Variants in CENPF observed in about 807,000 individuals in gnomAD.
CENPF encodes centromere protein F.
A neutral mutation model predicts 307.3 loss-of-function variants in CENPF; 214 were observed. That is an observed-to-expected ratio of 0.70 (90% CI 0.62 to 0.78). The LOEUF is 0.78. CENPF is among the 30% of genes least tolerant of loss of function. CENPF has a pLI of 0.00. For missense variants in CENPF, 3,401 were observed against 3,483.9 expected (o/e 0.98, Z 0.60); for synonymous variants, 1,259 against 1,270.6 (o/e 0.99, Z 0.19).
intron 5 of CENPF, among the ~76,000 whole-genome samples, chr1:214,619,689 A>G (rs966595976): frequency 1.3e-5 from 2 of 152,214 alleles, no homozygotes; most frequent in African/African-American, 4.8e-5. Context: ...TCCACTAAAC[A>G]TAAGGACTTG....
intron 16 of CENPF, chr1:214,653,648 A>T (rs1000328879): frequency 6.5e-5 from 10 of 153,910 alleles, no homozygotes; most frequent in African/African-American, 2.4e-4. Flanking sequence ...CTTCCAGAAA[A>T]TATTTTACTT....
rs141439443 is a variant in CENPF at position 214,659,003 on chromosome 1, C to G, written c.9116C>G (p.Thr3039Arg). Residue 3039 changes from threonine to arginine, a missense_variant, in exon 19 of 20, where the codon ACA becomes AGA. By Grantham distance (71) the Thr-to-Arg change is moderately conservative. Coordinates refer to ENST00000366955, the MANE Select transcript of CENPF (RefSeq NM_016343.4). This position sits in a 1 kb window ranked among gnomAD's most constrained non-coding sequence, Gnocchi z 4.4. Reference sequence around the variant, plus strand: ...AATCTTGCAGAGTCCTCCAAACCAACAGCTGGTGGCAGCAGATCACAAAAG... The same window carrying G: ...AATCTTGCAGAGTCCTCCAAACCAAGAGCTGGTGGCAGCAGATCACAAAAG... ...KENLAESSKP[T>R]AGGSRSQKVK... 3.7e-5 allele frequency: 60 copies of G among 1,614,074 alleles called. No individual in the cohort carries two copies. The African/African-American group carries it at 7.5e-4, about 20-fold the overall frequency.
Position 214,645,527 on chromosome 1 carries a change from A to G in CENPF, c.5957A>G (p.Glu1986Gly). The G allele has an allele frequency of 6.2e-7, 1 of 1,614,142 alleles. No individual in the cohort carries two copies. Among genetic ancestry groups the G allele is most frequent in the Non-Finnish European group, 8.5e-7 (1 of 1,180,014 alleles). ...ALDQLSEKMK[E>G]KTQELESHQS... is the part of the protein sequence containing the mutation. ...GATCAGTTGTCTGAAAAAATGAAGGAGAAAACACAAGAGCTTGAGTCTCAT... is the reference window on the plus strand; with the variant it reads ...GATCAGTTGTCTGAAAAAATGAAGGGGAAAACACAAGAGCTTGAGTCTCAT... Residue 1986 changes from glutamate (E) to glycine (G), a missense_variant, in exon 13 of 20, where the codon GAG (glutamate) becomes GGG (glycine). By Grantham distance (98) the Glu-to-Gly change is moderately conservative. Transcript: ENST00000366955.
intron 7 of CENPF, among the ~76,000 whole-genome samples, chr1:214,625,590 C>T (rs951585829): frequency 6.6e-6 from 1 of 152,086 alleles, no homozygotes; most frequent in Admixed American, 6.6e-5. Context: ...TATATTGTGA[C>T]CTAAGTCTGC....
At chr1:214,648,363 A>G in intron 13 of CENPF, 2 of 459,112 alleles carry the variant, frequency 4.4e-6, no homozygotes, top group East Asian at 9.6e-5. Context: ...TGATAATGAT[A>G]ATCTTTGATG....
At chr1:214,639,472 T>C (rs1658047816) in intron 11 of CENPF, among the ~76,000 whole-genome samples, 1 of 152,234 alleles carries the variant, frequency 6.6e-6, no homozygotes, top group Non-Finnish European at 1.5e-5. Context: ...GGAGTACTTA[T>C]TTACTTTTCT....
Position 214,639,943 on chromosome 1 carries a change from C to A in CENPF, c.1605C>A (p.Thr535=), listed in dbSNP as rs746274057. Reference sequence around the variant, plus strand: ...TAGCGAAGAATACCTCTCAGGAAACCATGTTAAGAGATCTTCAAGAAAAAA... The same window carrying A: ...TAGCGAAGAATACCTCTCAGGAAACAATGTTAAGAGATCTTCAAGAAAAAA... ...EMKAKNTSQE[T]MLRDLQEKIN... is the part of the protein sequence containing the mutation. The change falls in exon 12 of 20, where the codon ACC becomes ACA. Residue 535 remains threonine (T), a synonymous_variant. Coordinates refer to ENST00000366955, the MANE Select transcript of CENPF (RefSeq NM_016343.4). The A allele has an allele frequency of 2.0e-5, 31 of 1,542,434 alleles. No individual in the cohort carries two copies. Among genetic ancestry groups the A allele is most frequent in the Non-Finnish European group, 2.7e-5 (31 of 1,154,022 alleles).
intron 15 of CENPF, among the ~76,000 whole-genome samples, chr1:214,652,122 G>C (rs949279518): frequency 1.5e-5 from 2 of 136,980 alleles, no homozygotes; most frequent in African/African-American, 5.7e-5. Flanking sequence ...TGCAAGCTCC[G>C]TCTCCCAGGT....
intron 16 of CENPF, 72 bp from the exon 17 acceptor site, chr1:214,655,169 C>A: frequency 3.2e-6 from 3 of 931,528 alleles, no homozygotes; most frequent in Non-Finnish European, 4.6e-6. Flanking sequence ...AATCTTATAT[C>A]TTATAATTAT....
Position 214,643,193 on chromosome 1 carries a change from G to A in CENPF, c.4855G>A (p.Glu1619Lys). 6.2e-7 allele frequency: 1 copy of A among 1,605,898 alleles called. No individual in the cohort carries two copies. Among genetic ancestry groups the A allele is most frequent in the African/African-American group, 1.3e-5 (1 of 74,232 alleles). ...ACAGAAGCTGACAAGCGTGACTCTG[G>A]AGATGGAGTCCAAGTTGGCGGCAGA... ...WQQKLTSVTL[E>K]MESKLAAEKK... Residue 1619 changes from glutamate (E) to lysine (K), a missense_variant, in exon 12 of 20, where the codon GAG becomes AAG. Physicochemically the swap from Glu to Lys is moderately conservative, Grantham distance 56. Coordinates refer to ENST00000366955, the MANE Select transcript of CENPF (RefSeq NM_016343.4).
Position 214,618,581 on chromosome 1 carries a change from C to T in CENPF, c.368C>T (p.Ser123Phe), listed in dbSNP as rs144933281. The change falls in exon 4 of 20, where the codon TCT (serine) becomes TTT (phenylalanine). Residue 123 changes from serine (S) to phenylalanine (F), a missense_variant. Physicochemically the swap from Ser to Phe is radical, Grantham distance 155. Transcript: ENST00000366955. ...KLEQELKRCK[S>F]ELERSQQAAQ... ...GGGTCCTTTTCTAACAGGTGTAAAT[C>T]TGAGCTTGAAAGAAGCCAACAAGCT... The T allele has an allele frequency of 3.0e-5, 48 of 1,613,856 alleles. No homozygotes were observed. The highest frequency in any genetic ancestry group is 3.7e-5 in the Non-Finnish European group (44 of 1,179,958).
chr1:214,638,135 G>A, intron 11 of CENPF, 134 bp downstream of exon 11: 1 of 915,030 alleles, frequency 1.1e-6, no homozygotes, highest in Non-Finnish European at 1.6e-6. Context: ...GTGCGCAGTT[G>A]ATGTGGAAGA....
chr1:214,640,872 T>G lies in CENPF; in HGVS notation c.2534T>G (p.Met845Arg). ...LEFSLESQKQ[M>R]NSDLQKQCEE... is the part of the protein sequence containing the mutation. Reference sequence around the variant, plus strand: ...TTTTCATTAGAGTCTCAAAAACAGATGAACTCAGACCTGCAAAAGCAGTGT... The same window carrying G: ...TTTTCATTAGAGTCTCAAAAACAGAGGAACTCAGACCTGCAAAAGCAGTGT... The change falls in exon 12 of 20, where the codon ATG becomes AGG. Residue 845 changes from methionine to arginine, a missense_variant. Coordinates refer to ENST00000366955, the MANE Select transcript of CENPF (RefSeq NM_016343.4). 6.3e-7 allele frequency: 1 copy of G among 1,599,520 alleles called. No individual in the cohort carries two copies. The highest frequency in any genetic ancestry group is 8.5e-7 in the Non-Finnish European group (1 of 1,176,122).
At chr1:214,620,051 A>T (rs1400667770) in intron 5 of CENPF, among the ~76,000 whole-genome samples, 1 of 152,122 alleles carries the variant, frequency 6.6e-6, no homozygotes, top group Non-Finnish European at 1.5e-5. Flanking sequence ...GGCAAAAAAA[A>T]GTGCTTGCTG....
chr1:214,629,251 A>G, intron 8 of CENPF, 80 bp downstream of exon 8: 1 of 1,342,146 alleles, frequency 7.5e-7, no homozygotes, highest in Non-Finnish European at 1.0e-6. Flanking sequence ...TGGAAAGGGG[A>G]GTTGTTATCA....
chr1:214,612,255 T>A (rs568977068), intron 1 of CENPF, among the ~76,000 whole-genome samples: 14 of 152,224 alleles, frequency 9.2e-5, no homozygotes, highest in Non-Finnish European at 1.3e-4. Context: ...TTAGTTATGC[T>A]TATGTGATGA....
chr1:214,651,816 C>T lies in CENPF; in HGVS notation c.8090C>T (p.Ala2697Val), dbSNP rs1367236366. 6.2e-6 allele frequency: 10 copies of T among 1,613,246 alleles called. No individual in the cohort carries two copies. Among genetic ancestry groups the T allele is most frequent in the African/African-American group, 1.3e-5 (1 of 74,766 alleles). Residue 2697 changes from alanine (A) to valine (V), a missense_variant, in exon 15 of 20, where the codon GCT becomes GTT. Ala to Val is a moderately conservative substitution (Grantham distance 64). Coordinates refer to ENST00000366955, the MANE Select transcript of CENPF (RefSeq NM_016343.4). ...EKEGKVREEI[A>V]EYQLRLHEAE... ...GAAGGGAAAGTGAGAGAGGAAATAGCTGAATATCAGCTACGGCTTCATGAA... is the reference window on the plus strand; with the variant it reads ...GAAGGGAAAGTGAGAGAGGAAATAGTTGAATATCAGCTACGGCTTCATGAA...
chr1:214,608,944 G>T (rs914304768), intron 1 of CENPF: 23 of 1,128,024 alleles, frequency 2.0e-5, no homozygotes, highest in Non-Finnish European at 2.2e-5. Flanking sequence ...TCGCGGGCAG[G>T]GGGGAGGGCG....
At position 214,622,124 on chromosome 1, in the gene CENPF, A is replaced by G. The variant is rs551086675; in HGVS notation, c.911A>G (p.His304Arg). 1 of 1,614,136 alleles carries G rather than the reference A, an allele frequency of 6.2e-7. No homozygotes were observed. Among genetic ancestry groups the G allele is most frequent in the African/African-American group, 1.3e-5 (1 of 75,060 alleles). Reference protein sequence around the residue: ...INELELRLQGHEKEMKGQVNK... With the variant: ...INELELRLQGREKEMKGQVNK... ...GAGTTGGAACTACGCCTGCAAGGACATGAAAAAGAAATGAAAGGCCAAGTG... is the reference window on the plus strand; with the variant it reads ...GAGTTGGAACTACGCCTGCAAGGACGTGAAAAAGAAATGAAAGGCCAAGTG... The change falls in exon 7 of 20, where the codon CAT becomes CGT. Residue 304 changes from histidine (H) to arginine (R), a missense_variant. Coordinates refer to ENST00000366955, the MANE Select transcript of CENPF (RefSeq NM_016343.4).
Sources: gnomAD v4.1 joint callset for allele counts (sites outside exome capture counted in the v4.1 genomes callset) on GRCh38, gnomAD v4.1.1 for gene constraint, Gnocchi (gnomAD v3.1) non-coding constraint, MANE v1.5 for transcripts, NCBI Gene and HGNC (gene_info 2026-07-23, HGNC 2026-07-21) for gene names.